Variants in CATSPERT observed in about 807,000 individuals in gnomAD.
CATSPERT encodes cation channel sperm-associated targeting subunit tau.
chr2:201,573,827 T>C, the CATSPERT span, among the ~76,000 whole-genome samples: 1 of 152,094 alleles, frequency 6.6e-6, no homozygotes, highest in Non-Finnish European at 1.5e-5. Flanking sequence ...TGGCTAATTT[T>C]TGTATTTTTA....
At chr2:201,495,876 A>G in the CATSPERT span, 37,344 of 1,478,878 alleles carry the variant, frequency 0.025, 681 homozygotes, top group African/African-American at 0.084. Flanking sequence ...ATACTGGGAT[A>G]GAATAATTCA....
At chr2:201,547,834 C>G in the CATSPERT span, among the ~76,000 whole-genome samples, 2 of 152,068 alleles carry the variant, frequency 1.3e-5, no homozygotes, top group African/African-American at 4.8e-5. Flanking sequence ...GATGTAACCT[C>G]AGAAGGGTAC....
the CATSPERT span, among the ~76,000 whole-genome samples, chr2:201,587,124 T>C: frequency 6.6e-6 from 1 of 152,150 alleles, no homozygotes. Flanking sequence ...CATAATTCTA[T>C]TTACACCTCC....
the CATSPERT span, among the ~76,000 whole-genome samples, chr2:201,610,592 A>G: frequency 3.9e-5 from 6 of 152,208 alleles, no homozygotes; most frequent in Admixed American, 1.3e-4. Context: ...AGAAGACAGA[A>G]TTCTCCCTGA....
the CATSPERT span, among the ~76,000 whole-genome samples, chr2:201,537,168 C>T: frequency 1.3e-5 from 2 of 151,868 alleles, no homozygotes; most frequent in Non-Finnish European, 2.9e-5. Context: ...TAAGATCTTA[C>T]GTAGAACTTC....
At chr2:201,565,881 T>C in the CATSPERT span, 1 of 1,571,896 alleles carries the variant, frequency 6.4e-7, no homozygotes, top group Non-Finnish European at 8.6e-7. Context: ...TTCTGCAAAA[T>C]AATAATAAAG....
chr2:201,597,295 C>T, the CATSPERT span, among the ~76,000 whole-genome samples: 1 of 152,210 alleles, frequency 6.6e-6, no homozygotes, highest in Non-Finnish European at 1.5e-5. Flanking sequence ...CTAGTCAGCT[C>T]TCAGCCCTCC....
chr2:201,617,335 T>G, the CATSPERT span, among the ~76,000 whole-genome samples: 30 of 152,012 alleles, frequency 2.0e-4, no homozygotes, highest in African/African-American at 7.0e-4. Context: ...AACCAAAACA[T>G]CATGGTACTG....
chr2:201,515,202 G>GTTTTTTTTTTT, the CATSPERT span, among the ~76,000 whole-genome samples: 84 of 24,672 alleles, frequency 3.4e-3, 28 homozygotes, highest in Admixed American at 0.016. Flanking sequence ...TCTGCCCATA[G>GTTTTTTTTTTT]TTTTTTTTTT....
the CATSPERT span, among the ~76,000 whole-genome samples, chr2:201,533,207 C>A: frequency 6.6e-6 from 1 of 152,120 alleles, no homozygotes; most frequent in Non-Finnish European, 1.5e-5. Flanking sequence ...CTGAAAGGAA[C>A]AGGGATAGTT....
At chr2:201,522,529 C>T in the CATSPERT span, among the ~76,000 whole-genome samples, 1 of 152,122 alleles carries the variant, frequency 6.6e-6, no homozygotes, top group Admixed American at 6.5e-5. Context: ...GGTTGCCAAG[C>T]ACAAGGACTC....
the CATSPERT span, among the ~76,000 whole-genome samples, chr2:201,536,805 C>A: frequency 1.3e-5 from 2 of 151,786 alleles, no homozygotes; most frequent in African/African-American, 2.4e-5. Flanking sequence ...ATGAAAAATT[C>A]TCTATATTAT....
At chr2:201,587,478 C>T in the CATSPERT span, among the ~76,000 whole-genome samples, 1 of 152,094 alleles carries the variant, frequency 6.6e-6, no homozygotes, top group Non-Finnish European at 1.5e-5. Flanking sequence ...ATTTCCCCGC[C>T]TCCCAGCATT....
At chr2:201,498,480 G>T in the CATSPERT span, among the ~76,000 whole-genome samples, 4 of 152,078 alleles carry the variant, frequency 2.6e-5, no homozygotes, top group Non-Finnish European at 4.4e-5. Context: ...TTCTAGCTGA[G>T]CTGGCACTGA....
chr2:201,523,470 G>T, the CATSPERT span, among the ~76,000 whole-genome samples: 2 of 152,116 alleles, frequency 1.3e-5, no homozygotes, highest in Non-Finnish European at 2.9e-5. Context: ...GGGAATCAAA[G>T]AATACAAAAG....
At chr2:201,518,788 T>A in the CATSPERT span, among the ~76,000 whole-genome samples, 1 of 152,224 alleles carries the variant, frequency 6.6e-6, no homozygotes, top group Admixed American at 6.5e-5. Context: ...ATTTAGATAA[T>A]GCATTTCTTA....
At chr2:201,582,598 A>G in the CATSPERT span, among the ~76,000 whole-genome samples, 2 of 152,212 alleles carry the variant, frequency 1.3e-5, no homozygotes, top group Non-Finnish European at 2.9e-5. Context: ...ACGAAATCCA[A>G]ATAATCCAGA....
the CATSPERT span, among the ~76,000 whole-genome samples, chr2:201,610,094 T>C: frequency 6.5e-3 from 994 of 152,226 alleles, 7 homozygotes; most frequent in Non-Finnish European, 0.011. Flanking sequence ...AAGTGACCAA[T>C]ATTGACTTAG....
At chr2:201,547,440 C>A in the CATSPERT span, 1 of 903,216 alleles carries the variant, frequency 1.1e-6, no homozygotes. Context: ...TTTTAATTAT[C>A]ATAATCCCAT....
Sources: gnomAD v4.1 joint callset for allele counts (sites outside exome capture counted in the v4.1 genomes callset) on GRCh38, gnomAD v4.1.1 for gene constraint, MANE v1.5 for transcripts, NCBI Gene and HGNC (gene_info 2026-07-23, HGNC 2026-07-21) for gene names.